The following CEP112 variants were observed in gnomAD, a reference collection of about 807,000 sequenced individuals.
The protein encoded by CEP112 is centrosomal protein 112.
CEP112 carries 127 observed loss-of-function variants against 153.0 expected under a neutral mutation model. The ratio of observed to expected loss-of-function variants is 0.83; its 90% CI spans 0.72 to 0.96. The LOEUF is 0.96. CEP112 is among the 40% of genes least tolerant of loss of function. CEP112 has a pLI of 0.00. For missense variants in CEP112, 1,089 were observed against 1,101.2 expected, an observed-to-expected ratio of 0.99 and a Z score of 0.16; for synonymous variants, 358 against 374.4, an observed-to-expected ratio of 0.96 and a Z score of 0.51.
intron 17 of CEP112, among the ~76,000 whole-genome samples, chr17:65,968,116 G>A (rs200701921): frequency 1.3e-5 from 2 of 151,948 alleles, no homozygotes; most frequent in East Asian, 1.9e-4. Flanking sequence ...AGGAAATTAC[G>A]TTATTCTTGT....
intron 17 of CEP112, among the ~76,000 whole-genome samples, chr17:65,997,840 T>C (rs1156516163): frequency 6.6e-6 from 1 of 151,804 alleles, no homozygotes; most frequent in Non-Finnish European, 1.5e-5. Context: ...CACTCTTGTA[T>C]CAAAGTTAAA....
rs1203079224 is a variant in CEP112, at chr17:65,851,814, G to GT, written c.2383dup (p.Thr795AsnfsTer13). ...AGTTAAATATCTTACCTTTTCCAGT[G>GT]TCATCTCTGTCTCAGCAGCATGAGT... is the stretch of plus-strand genomic sequence containing the variant. On this transcript the variant is annotated frameshift_variant, in exon 21 of 27. Coordinates refer to ENST00000535342, the MANE Select transcript of CEP112 (RefSeq NM_001199165.4). LOFTEE classifies it high-confidence loss of function. 1 of 1,610,224 alleles carries GT rather than the reference G, an allele frequency of 6.2e-7. No individual in the cohort carries two copies.
At chr17:66,105,491 A>G (rs2068744229) in intron 6 of CEP112, among the ~76,000 whole-genome samples, 1 of 152,142 alleles carries the variant, frequency 6.6e-6, no homozygotes, top group South Asian at 2.1e-4. Context: ...GACATACAGT[A>G]GCTTAATGAA....
intron 9 of CEP112, among the ~76,000 whole-genome samples, chr17:66,067,088 T>C (rs1166863024): frequency 6.6e-6 from 1 of 151,956 alleles, no homozygotes; most frequent in African/African-American, 2.4e-5. Context: ...AGCTTTACTG[T>C]CTGCTGTTTC....
At chr17:65,822,241 ATTG>A (rs983661865) in intron 21 of CEP112, among the ~76,000 whole-genome samples, 3 of 151,996 alleles carry the variant, frequency 2.0e-5, no homozygotes, top group African/African-American at 7.3e-5. Flanking sequence ...GTTGGTTTAT[ATTG>A]TTGTTATAAA....
intron 17 of CEP112, among the ~76,000 whole-genome samples, chr17:65,963,674 G>GGGGT (rs113088315): frequency 6.8e-5 from 10 of 147,542 alleles, no homozygotes; most frequent in Non-Finnish European, 1.2e-4. Flanking sequence ...TATAGATAGG[G>GGGGT]GTGTGTGTGT....
chr17:65,667,920 T>C (rs1290700199), intron 24 of CEP112, among the ~76,000 whole-genome samples: 7 of 148,904 alleles, frequency 4.7e-5, no homozygotes, highest in Non-Finnish European at 1.0e-4. Context: ...TTTTCGAGAC[T>C]GAGTCTCGCT....
intron 24 of CEP112, among the ~76,000 whole-genome samples, chr17:65,669,552 G>C (rs1428585801): frequency 6.6e-6 from 1 of 152,176 alleles, no homozygotes; most frequent in Non-Finnish European, 1.5e-5. Context: ...ATTATTTACT[G>C]TATGGGGAAG....
intron 20 of CEP112, among the ~76,000 whole-genome samples, chr17:65,863,174 T>A (rs564222830): frequency 1.3e-5 from 2 of 152,312 alleles, no homozygotes; most frequent in South Asian, 4.1e-4. Context: ...AAAAAATACA[T>A]TATTTTAATT....
At chr17:65,689,839 T>A (rs2048008158) in intron 23 of CEP112, among the ~76,000 whole-genome samples, 1 of 152,156 alleles carries the variant, frequency 6.6e-6, no homozygotes, top group African/African-American at 2.4e-5. Flanking sequence ...TACCACTGCA[T>A]CAATTACTAT....
intron 1 of CEP112, among the ~76,000 whole-genome samples, chr17:66,184,361 A>C (rs2072843370): frequency 6.6e-6 from 1 of 152,198 alleles, no homozygotes; most frequent in South Asian, 2.1e-4. Flanking sequence ...ACCAGAACAA[A>C]ATATTTGCAA....
At chr17:65,739,312 G>C (rs962845056) in intron 23 of CEP112, among the ~76,000 whole-genome samples, 30 of 152,346 alleles carry the variant, frequency 2.0e-4, no homozygotes, top group African/African-American at 7.0e-4. Context: ...CAAGTTTTTG[G>C]AGTATGCAGT....
intron 23 of CEP112, among the ~76,000 whole-genome samples, chr17:65,737,838 GAGAA>G (rs1380948808): frequency 6.6e-6 from 1 of 152,174 alleles, no homozygotes; most frequent in East Asian, 1.9e-4. Context: ...AAACTTACAT[GAGAA>G]AGAAAGACTT....
intron 6 of CEP112, among the ~76,000 whole-genome samples, chr17:66,110,641 G>A (rs1223716762): frequency 3.3e-5 from 5 of 150,354 alleles, no homozygotes; most frequent in African/African-American, 9.8e-5. Context: ...TGATGTTATG[G>A]CCTCAATCTA....
chr17:65,826,254 G>C (rs367967415), intron 21 of CEP112: 110 of 1,613,850 alleles, frequency 6.8e-5, no homozygotes, highest in Non-Finnish European at 6.6e-5. Flanking sequence ...CTCAGGGCTT[G>C]GTTTTCCTTG....
At chr17:65,993,329 T>C (rs923102565) in intron 17 of CEP112, among the ~76,000 whole-genome samples, 3 of 152,236 alleles carry the variant, frequency 2.0e-5, no homozygotes, top group Non-Finnish European at 4.4e-5. Flanking sequence ...ATTTTCTTTA[T>C]CCAGTCTATC....
rs2045999369 is a variant in CEP112 at position 65,655,201 on chromosome 17, G to A, written c.2698-14136C>T. 6 of 781,372 alleles carry A rather than the reference G, an allele frequency of 7.7e-6. No individual in the cohort carries two copies. The East Asian group carries it at 1.5e-4, about 19-fold the overall frequency. The allele number at this position is 781,372 out of a possible 1,614,324, so 48.4% of individuals were successfully genotyped here. A position where few individuals can be genotyped will look rare whatever the true frequency, so the allele number is the denominator to read the frequency against. On this transcript the variant is annotated intron_variant, in intron 24 of 26. Transcript: ENST00000535342. Reference sequence around the variant, plus strand: ...AATATTGACAAGTGGCTGTCTCACTGGCGCTTGTTGCAACCTAAACACTTT... The same window carrying A: ...AATATTGACAAGTGGCTGTCTCACTAGCGCTTGTTGCAACCTAAACACTTT...
chr17:66,003,499 C>T (rs932759637), intron 17 of CEP112, among the ~76,000 whole-genome samples: 22 of 152,188 alleles, frequency 1.4e-4, no homozygotes, highest in African/African-American at 5.3e-4. Context: ...CTTCAAATGC[C>T]TAACCTGGAC....
intron 4 of CEP112, among the ~76,000 whole-genome samples, chr17:66,150,498 T>G (rs8069758): frequency 6.6e-6 from 1 of 151,990 alleles, no homozygotes; most frequent in Non-Finnish European, 1.5e-5. Context: ...CCCAAACTGC[T>G]GGGATTATAG....
Sources: allele counts gnomAD v4.1 joint callset (sites outside exome capture counted in the v4.1 genomes callset), GRCh38; gene constraint gnomAD v4.1.1; transcripts MANE v1.5; gene names NCBI Gene and HGNC (gene_info 2026-07-23, HGNC 2026-07-21).